The following NBPF20 variants were observed in gnomAD, a reference collection of about 807,000 sequenced individuals.
The protein encoded by NBPF20 is NBPF member 20.
Under a neutral mutation model 68.1 loss-of-function variants are expected in NBPF20, and 90 were observed. The observed-to-expected ratio is 1.32, with a 90% confidence interval of 1.11 to 1.58. The LOEUF (loss-of-function observed/expected upper bound fraction) is 1.58. Ranked by LOEUF, NBPF20 falls within the 40% of genes most tolerant of loss-of-function variation. The pLI, the probability that NBPF20 is intolerant of heterozygous loss-of-function variation, is 0.00. For missense variants in NBPF20, 816 were observed against 601.2 expected (o/e 1.36, Z -3.74); for synonymous variants, 290 against 228.1 (o/e 1.27, Z -2.45).
At chr1:145,400,133 G>A (rs1662448648) in intron 6 of NBPF20, among the ~76,000 whole-genome samples, 1 of 152,206 alleles carries the variant, frequency 6.6e-6, no homozygotes, top group African/African-American at 2.4e-5. Context: ...AGGCCTGACA[G>A]ATACTGCCTG....
At chr1:145,425,546 C>G in the NBPF20 span, among the ~76,000 whole-genome samples, 5 of 152,240 alleles carry the variant, frequency 3.3e-5, no homozygotes, top group African/African-American at 1.2e-4. Context: ...CTGTCTCAAC[C>G]GCCGCCCAGC....
At chr1:145,399,749 C>T (rs1351974502) in intron 6 of NBPF20, among the ~76,000 whole-genome samples, 2 of 131,318 alleles carry the variant, frequency 1.5e-5, no homozygotes, top group East Asian at 4.3e-4. Context: ...TGCACTCCAG[C>T]CTGGGTGACA....
At chr1:145,291,308 C>T (rs1553657395) in exon 138 of NBPF20, 2 of 705,994 alleles carry the variant, frequency 2.8e-6, no homozygotes, top group Non-Finnish European at 4.7e-6. Context: ...CCGGCATGTG[C>T]TGCACAGTTA....
chr1:145,292,589 G>C (rs587718439), intron 136 of NBPF20, 100 bp from the exon 142 acceptor site: 31 of 745,294 alleles, frequency 4.2e-5, no homozygotes, highest in South Asian at 2.5e-4. Context: ...AGGCTCCCCA[G>C]CATAAGAATA....
At chr1:145,419,125 G>GA in the NBPF20 span, among the ~76,000 whole-genome samples, 2 of 140,382 alleles carry the variant, frequency 1.4e-5, no homozygotes, top group Non-Finnish European at 3.1e-5. Flanking sequence ...GGGAGGCAGG[G>GA]AGGAAGGGAG....
the NBPF20 span, among the ~76,000 whole-genome samples, chr1:145,419,173 G>C: frequency 1.4e-5 from 2 of 144,580 alleles, no homozygotes; most frequent in African/African-American, 2.6e-5. Flanking sequence ...GGGTGGAAGG[G>C]AAGGAGGGAG....
At chr1:145,397,231 G>A (rs1317580454) in intron 7 of NBPF20, among the ~76,000 whole-genome samples, 2 of 150,702 alleles carry the variant, frequency 1.3e-5, no homozygotes, top group East Asian at 1.9e-4. Context: ...ATAAACATAT[G>A]TGTGCATGTG....
rs1553662728 is a variant in NBPF20 at position 145,393,487 on chromosome 1, A to ACACC, written c.1044-242_1044-241insGGTG. On this transcript the variant is annotated intron_variant, in intron 9 of 137. Coordinates refer to ENST00000369373, the Ensembl canonical transcript of NBPF20. ...CACACACACACACACACACACACAC[A>ACACC]CACAGAGCGAGCTCAGTGAATTGGT... is the stretch of plus-strand genomic sequence containing the variant. 5.0e-3 allele frequency among the ~76,000 whole-genome samples: 764 copies of ACACC among 151,658 alleles called. 2 individuals carry two copies. The highest frequency in any genetic ancestry group is 8.0e-3 in the Non-Finnish European group (545 of 67,746).
intron 43 of NBPF20, among the ~76,000 whole-genome samples, chr1:145,366,617 G>A (rs1165500130): frequency 1.3e-5 from 1 of 79,984 alleles, no homozygotes; most frequent in African/African-American, 5.7e-5. Context: ...CAGAGAGAAC[G>A]AGCTCAGTGA....
chr1:145,401,037 G>T (rs1443124489), intron 5 of NBPF20, 22 bp downstream of exon 10: 8 of 1,579,948 alleles, frequency 5.1e-6, no homozygotes, highest in Middle Eastern at 2.2e-4. Context: ...TCCATTAATT[G>T]TTCCTGAGTA....
At chr1:145,392,647 C>T (rs1661964259) in intron 10 of NBPF20, among the ~76,000 whole-genome samples, 1 of 25,688 alleles carries the variant, frequency 3.9e-5, no homozygotes, top group Admixed American at 5.3e-4. Flanking sequence ...AAAGCAAATG[C>T]CCCCAAATGG....
At chr1:145,290,236 G>T (rs587710704) in exon 138 of NBPF20, 1 of 148,692 alleles carries the variant, frequency 6.7e-6, no homozygotes, top group East Asian at 1.9e-4. Flanking sequence ...TAGAATACAG[G>T]ATATTTATAC....
chr1:145,403,159 T>A lies in NBPF20; in HGVS notation c.278+57A>T, dbSNP rs1662607145. The stretch of plus-strand genomic sequence containing the variant: ...CTCTTACGTCTCCCCACCGAGCTGC[T>A]GTATTTCAGAGATTTACACACCTGC... On this transcript the variant is annotated intron_variant, in intron 3 of 137. Coordinates refer to ENST00000369373, the Ensembl canonical transcript of NBPF20. 2.9e-5 allele frequency: 46 copies of A among 1,606,292 alleles called. 1 individual carries two copies. In the South Asian group the frequency reaches 5.1e-4, roughly 18 times the overall value.
exon 138 of NBPF20, chr1:145,291,573 T>C (rs1341974325): frequency 6.2e-7 from 1 of 1,611,872 alleles, no homozygotes; most frequent in African/African-American, 1.3e-5. Flanking sequence ...TGGAGACTTG[T>C]CACCGTCAAA....
chr1:145,393,389 A>T (rs1295612079), intron 9 of NBPF20, 143 bp from the exon 15 acceptor site: 9 of 713,630 alleles, frequency 1.3e-5, no homozygotes, highest in East Asian at 2.7e-5. Context: ...TATTGCCTTT[A>T]TGTTGGGATA....
rs1553657576 is a variant in NBPF20 at position 145,291,549 on chromosome 1, T to A, written c.16918A>T (p.Met5640Leu). The A allele has an allele frequency of 1.9e-6, 3 of 1,612,006 alleles. No individual in the cohort carries two copies. The East Asian group carries it at 6.7e-5, about 36-fold the overall frequency. Residue 5640 changes from methionine to leucine, a missense_variant, in exon 138 of 138, where the codon ATG (methionine) becomes TTG (leucine). Physicochemically the swap from Met to Leu is conservative, Grantham distance 15. Transcript: ENST00000369373. ...GTTTATTGTGGGAATATGACTCCCA[T>A]CTGGAACACCAGGTGGAGACTTGTC...
rs1553658302 is a variant in NBPF20 at position 145,292,505 on chromosome 1, A to T, written c.16589-16T>A. The T allele has an allele frequency of 1.4e-6, 1 of 700,524 alleles. No individual in the cohort carries two copies. 43.4% of individuals were successfully genotyped at this position (700,524 alleles called of 1,614,324 possible). Reference sequence around the variant, plus strand: ...TTTTCAATTTCTGCAATAAATTCAGACATGGACAGACACATTAAGCTGATT... The same window carrying T: ...TTTTCAATTTCTGCAATAAATTCAGTCATGGACAGACACATTAAGCTGATT... On this transcript the variant is annotated splice_polypyrimidine_tract_variant and intron_variant, in intron 136 of 137. Transcript: ENST00000369373.
chr1:145,408,332 C>G (rs1427276945), upstream of NBPF20, among the ~76,000 whole-genome samples: 67 of 152,028 alleles, frequency 4.4e-4, no homozygotes, highest in African/African-American at 1.5e-3. Flanking sequence ...AGACACCTTC[C>G]CCCACCCATA....
At chr1:145,311,186 AC>A (rs1661469080) in intron 113 of NBPF20, among the ~76,000 whole-genome samples, 2 of 13,004 alleles carry the variant, frequency 1.5e-4, no homozygotes, top group African/African-American at 1.5e-3. Flanking sequence ...TTTTCCATAA[AC>A]TTGCTCAAGA....
Sources: allele counts gnomAD v4.1 joint callset (sites outside exome capture counted in the v4.1 genomes callset), GRCh38; gene constraint gnomAD v4.1.1; transcripts MANE v1.5; gene names NCBI Gene and HGNC (gene_info 2026-07-23, HGNC 2026-07-21).